The following SNX25 variants were observed in gnomAD, a reference collection of about 807,000 sequenced individuals.
SNX25 encodes the protein sorting nexin-25.
SNX25 carries 62 observed loss-of-function variants against 113.7 expected under a neutral mutation model. The observed-to-expected ratio is 0.55, with a 90% CI of 0.44 to 0.67. The LOEUF is 0.67. Among genes scored for constraint, SNX25 ranks in the 30% least tolerant of loss-of-function variants. The probability of loss-of-function intolerance (pLI) is 0.00; values close to 1 mark genes in which losing one functional copy is unlikely to be tolerated. For synonymous variants in SNX25, 421 were observed against 436.2 expected (o/e 0.97, Z 0.43); for missense variants, 1,014 against 1,161.0 (o/e 0.87, Z 1.84).
rs1157234007 is a variant in SNX25 at position 185,334,664 on chromosome 4, A to G, written c.1914+1905A>G. On this transcript the variant is annotated intron_variant, in intron 10 of 18. Transcript: ENST00000652585. This position sits in a 1 kb window ranked among gnomAD's most constrained non-coding sequence, Gnocchi z 4.2. ...GGTAACAGTATGAAAGATGAGTTAG[A>G]GAATATTCATTGAATTATTTTCTGC... Among the ~76,000 whole-genome samples the G allele has an allele frequency of 6.6e-6, 1 of 152,248 alleles. No individual in the cohort carries two copies. The highest frequency in any genetic ancestry group is 1.5e-5 in the Non-Finnish European group (1 of 68,040).
chr4:185,330,875 TTTTGA>T (rs2095189351), intron 9 of SNX25, among the ~76,000 whole-genome samples: 1 of 152,226 alleles, frequency 6.6e-6, no homozygotes. Context: ...TGCATTTTAT[TTTTGA>T]TAGGTCACAG....
chr4:185,330,691 T>C (rs2095188307), intron 9 of SNX25, among the ~76,000 whole-genome samples: 1 of 152,248 alleles, frequency 6.6e-6, no homozygotes, highest in African/African-American at 2.4e-5. Flanking sequence ...CCCAGTTCAC[T>C]ATCTCCAGCC....
chr4:185,261,114 C>CTGTGTG (rs369434936), intron 3 of SNX25, among the ~76,000 whole-genome samples: 2,798 of 141,686 alleles, frequency 0.02, 46 homozygotes, highest in African/African-American at 0.044. Flanking sequence ...CTGTCTGTCT[C>CTGTGTG]TGTGTGTGTG....
chr4:185,273,440 C>T (rs1749229025), intron 5 of SNX25, among the ~76,000 whole-genome samples: 1 of 152,152 alleles, frequency 6.6e-6, no homozygotes, highest in African/African-American at 2.4e-5. Context: ...CCATGCCTGG[C>T]TGATATTTGA....
rs202155116 is a variant in SNX25, at chr4:185,241,348, C to T, written c.430-5946C>T. ...TGAAAACCAGTCAGGCGTGGCGGCG[C>T]GCGCCTGCAATCGCAGGCACTCGGC... is the stretch of plus-strand genomic sequence containing the variant. On this transcript the variant is annotated intron_variant, in intron 1 of 18. Transcript: ENST00000652585. Among the ~76,000 whole-genome samples the T allele has an allele frequency of 4.6e-3, 697 of 151,822 alleles. 22 individuals are homozygous for T. In the East Asian group the frequency reaches 0.079, roughly 17 times the overall value.
At chr4:185,258,790 A>C in intron 2 of SNX25, 58 bp from the exon 3 acceptor site, 2 of 1,380,298 alleles carry the variant, frequency 1.4e-6, no homozygotes, top group Non-Finnish European at 2.0e-6. Flanking sequence ...GTAGAAATGC[A>C]GTCTTGGTGT....
intron 16 of SNX25, 102 bp from the exon 17 acceptor site, chr4:185,361,822 T>G (rs2095365679): frequency 2.1e-6 from 2 of 944,732 alleles, no homozygotes; most frequent in Non-Finnish European, 1.5e-6. Context: ...ATCAAACACT[T>G]AGATCAGGCT....
chr4:185,210,093 C>T lies in SNX25; in HGVS notation c.267C>T (p.Ser89=), dbSNP rs939203889. The change falls in exon 1 of 19, where the codon TCC becomes TCT. Residue 89 remains serine (S), a synonymous_variant. Transcript: ENST00000652585. The surrounding 1 kb of genome is among the most constrained non-coding windows in gnomAD (Gnocchi z 4.4). ...CGGCGGGGGCCGCGGGGCTGAGCTC[C>T]GTCCTGTTCAGGCTCAGCCTGTACC... ...GEAAGAAGLS[S]VLFRLSLYLS... The T allele has an allele frequency of 2.0e-6, 2 of 983,412 alleles. No homozygotes were observed. The highest frequency in any genetic ancestry group is 2.4e-6 in the Non-Finnish European group (2 of 828,808). The allele number at this position is 983,412 out of a possible 1,614,324, so 60.9% of individuals were successfully genotyped here.
chr4:185,246,153 C>T (rs549865021), intron 1 of SNX25, among the ~76,000 whole-genome samples: 3 of 152,204 alleles, frequency 2.0e-5, no homozygotes, highest in South Asian at 2.1e-4. Context: ...GGTGTGGTGT[C>T]GTGGGCCTGA....
At chr4:185,320,347 G>A (rs2095109931) in intron 7 of SNX25, among the ~76,000 whole-genome samples, 1 of 152,100 alleles carries the variant, frequency 6.6e-6, no homozygotes, top group African/African-American at 2.4e-5. Context: ...GAAGCTAGAG[G>A]CCATCATCCT....
the SNX25 span, chr4:185,377,766 TTAAA>T: frequency 4.7e-6 from 1 of 214,688 alleles, no homozygotes; most frequent in Non-Finnish European, 9.1e-6. Flanking sequence ...GATAAGGTAT[TTAAA>T]TAATAATTGC....
Position 185,310,827 on chromosome 4 carries a change from A to T in SNX25, c.1344+11A>T. 6.3e-7 allele frequency: 1 copy of T among 1,592,850 alleles called. No individual in the cohort carries two copies. Among genetic ancestry groups the T allele is most frequent in the Non-Finnish European group, 8.5e-7 (1 of 1,172,416 alleles). ...CCTCAAAGCCAGAAGGTAGAACTTT[A>T]TAGTTTCTTGTTTTGACCCTACCAA... is the stretch of plus-strand genomic sequence containing the variant. On this transcript the variant is annotated intron_variant, in intron 7 of 18. Transcript: ENST00000652585.
chr4:185,355,904 T>TA (rs1215825243), intron 15 of SNX25, among the ~76,000 whole-genome samples: 1 of 152,234 alleles, frequency 6.6e-6, no homozygotes, highest in Non-Finnish European at 1.5e-5. Context: ...GCTTAAGAGA[T>TA]ACAGTAGGCA....
At chr4:185,343,448 T>A (rs2095270254) in intron 12 of SNX25, among the ~76,000 whole-genome samples, 1 of 152,236 alleles carries the variant, frequency 6.6e-6, no homozygotes, top group South Asian at 2.1e-4. Context: ...TGGATTGCAA[T>A]GTAGCATGCA....
chr4:185,363,440 A>G lies in SNX25; in HGVS notation c.2990A>G (p.Asp997Gly), dbSNP rs1268315021. Residue 997 changes from aspartate (D) to glycine (G), a missense_variant, in exon 19 of 19, where the codon GAT (aspartate) becomes GGT (glycine). By Grantham distance (94) the Asp-to-Gly change is moderately conservative (BLOSUM62 -1). Coordinates refer to ENST00000652585, the MANE Select transcript of SNX25 (RefSeq NM_001378034.2). This position sits in a 1 kb window ranked among gnomAD's most constrained non-coding sequence, Gnocchi z 4.2. ...TGTCCTGAGCTGAGAGTTCATTTAG[A>G]TCAACTTAAAGCTGGCCAAGTTTGA... ...ELCPELRVHL[D>G]QLKAGQV 6 of 1,613,950 alleles carry G rather than the reference A, an allele frequency of 3.7e-6. No homozygotes were observed. The African/African-American group carries it at 4.0e-5, about 11-fold the overall frequency.
chr4:185,346,456 T>C, intron 12 of SNX25, 81 bp from the exon 13 acceptor site: 2 of 955,192 alleles, frequency 2.1e-6, no homozygotes, highest in Non-Finnish European at 3.2e-6. Flanking sequence ...ATATTTGTTT[T>C]GTTCTAATTG....
intron 7 of SNX25, among the ~76,000 whole-genome samples, chr4:185,314,579 G>T (rs1317758989): frequency 6.6e-6 from 1 of 152,098 alleles, no homozygotes; most frequent in African/African-American, 2.4e-5. Context: ...AGAAATGGAG[G>T]CTGGGCGCAG....
intron 10 of SNX25, among the ~76,000 whole-genome samples, chr4:185,337,762 G>A (rs986228828): frequency 4.6e-5 from 7 of 152,020 alleles, no homozygotes; most frequent in African/African-American, 1.4e-4. Context: ...GCCAACACTC[G>A]TTATTTTCTT....
Position 185,266,988 on chromosome 4 carries a change from G to C in SNX25, c.924G>C (p.Glu308Asp), listed in dbSNP as rs1240147942. The C allele has an allele frequency of 6.2e-7, 1 of 1,612,882 alleles. No individual in the cohort carries two copies. Among genetic ancestry groups the C allele is most frequent in the Non-Finnish European group, 8.5e-7 (1 of 1,179,552 alleles). ...LTTKVLKPVV[E>D]LLSNPDYINQ... ...CTGTAGTCTTGAAGCCGGTAGTGGA[G>C]TTACTGAGTAATCCAGATTACATTA... is the stretch of plus-strand genomic sequence containing the variant. The change falls in exon 5 of 19, where the codon GAG becomes GAC. Residue 308 changes from glutamate to aspartate, a missense_variant. Coordinates refer to ENST00000652585, the MANE Select transcript of SNX25 (RefSeq NM_001378034.2).
Sources: gnomAD v4.1 joint callset for allele counts (sites outside exome capture counted in the v4.1 genomes callset) on GRCh38, gnomAD v4.1.1 for gene constraint, Gnocchi (gnomAD v3.1) non-coding constraint, MANE v1.5 for transcripts, NCBI Gene and HGNC (gene_info 2026-07-23, HGNC 2026-07-21) for gene names.